PTPRT: variants seen among roughly 807,000 people sequenced by gnomAD.
The protein encoded by PTPRT is receptor-type tyrosine-protein phosphatase T.
PTPRT carries 56 observed loss-of-function variants against 176.8 expected under a neutral mutation model. The observed-to-expected ratio is 0.32, with a 90% confidence interval of 0.26 to 0.40. The LOEUF (loss-of-function observed/expected upper bound fraction) is 0.40, where lower values mean the gene tolerates loss of function less well. Ranked by LOEUF, PTPRT falls within the 10% of genes least tolerant of loss-of-function variation. The probability of loss-of-function intolerance (pLI) is 1.00; values close to 1 mark genes in which losing one functional copy is unlikely to be tolerated. For synonymous variants in PTPRT, 783 were observed against 739.0 expected, an observed-to-expected ratio of 1.06 and a Z score of -0.96; for missense variants, 1,540 against 1,908.2, an observed-to-expected ratio of 0.81 and a Z score of 3.60.
intron 1 of PTPRT, among the ~76,000 whole-genome samples, chr20:42,912,940 G>C (rs1444946542): frequency 6.6e-6 from 1 of 152,124 alleles, no homozygotes; most frequent in African/African-American, 2.4e-5. Context: ...TAATGCTAGT[G>C]CTAGAGACTA....
chr20:42,364,473 G>A (rs2058487641), intron 9 of PTPRT, among the ~76,000 whole-genome samples: 2 of 152,204 alleles, frequency 1.3e-5, no homozygotes, highest in Middle Eastern at 3.4e-3. Context: ...GTTTTGTAAA[G>A]CCTATTTTTT....
Position 42,597,918 on chromosome 20 carries a change from A to C in PTPRT, c.1153+79948T>G, listed in dbSNP as rs548788809. Reference sequence around the variant, plus strand: ...CTGCCAACAGCATATATAGACCAAAACTTAAAATGTTTACAATCTTTGCCA... The same window carrying C: ...CTGCCAACAGCATATATAGACCAAACCTTAAAATGTTTACAATCTTTGCCA... On this transcript the variant is annotated intron_variant, in intron 7 of 30. Coordinates refer to ENST00000373187, the MANE Select transcript of PTPRT (RefSeq NM_007050.6). Among the ~76,000 whole-genome samples the C allele has an allele frequency of 2.2e-4, 33 of 152,228 alleles. No homozygotes were observed. In the East Asian group the frequency reaches 5.2e-3, roughly 24 times the overall value.
At chr20:43,016,195 T>C (rs1208757058) in intron 1 of PTPRT, among the ~76,000 whole-genome samples, 1 of 152,188 alleles carries the variant, frequency 6.6e-6, no homozygotes, top group Admixed American at 6.5e-5. Context: ...CTGGGACAGC[T>C]GCACCCACAG....
intron 8 of PTPRT, among the ~76,000 whole-genome samples, chr20:42,463,233 G>A (rs548598778): frequency 2.0e-5 from 3 of 151,552 alleles, no homozygotes; most frequent in South Asian, 2.1e-4. Context: ...TCCTTTTTTT[G>A]TCTTATCTTC....
intron 11 of PTPRT, among the ~76,000 whole-genome samples, chr20:42,337,861 G>A: frequency 6.6e-6 from 1 of 152,180 alleles, no homozygotes; most frequent in East Asian, 1.9e-4. Flanking sequence ...CTTAATAAGG[G>A]TTCCTTATCT....
intron 6 of PTPRT, among the ~76,000 whole-genome samples, chr20:42,703,449 A>G (rs1030241017): frequency 3.3e-5 from 5 of 152,206 alleles, no homozygotes; most frequent in South Asian, 4.1e-4. Context: ...GAGCATTGTT[A>G]CCAGGAGTGG....
At chr20:43,152,562 G>T (rs549362417) in intron 1 of PTPRT, among the ~76,000 whole-genome samples, 1 of 152,218 alleles carries the variant, frequency 6.6e-6, no homozygotes, top group African/African-American at 2.4e-5. Flanking sequence ...GAGCAGCAAG[G>T]TCCTCAGCAC....
intron 5 of PTPRT, among the ~76,000 whole-genome samples, chr20:42,759,429 G>A (rs143575281): frequency 1.2e-3 from 178 of 152,318 alleles, no homozygotes; most frequent in African/African-American, 4.1e-3. Flanking sequence ...ACTTTGGGAG[G>A]CTGAGGCGGG....
In PTPRT at chr20:42,885,947, G is replaced by A. The variant is rs2079095121; in HGVS notation, c.89-15C>T. The A allele has an allele frequency of 6.3e-7, 1 of 1,595,666 alleles. No individual in the cohort carries two copies. The highest frequency in any genetic ancestry group is 8.6e-7 in the Non-Finnish European group (1 of 1,168,320). Reference sequence around the variant, plus strand: ...GGAACAGCCACCTGTAGACAAAAGAGATATGGGTAAATACATTCCCGTGTC... The same window carrying A: ...GGAACAGCCACCTGTAGACAAAAGAAATATGGGTAAATACATTCCCGTGTC... On this transcript the variant is annotated splice_polypyrimidine_tract_variant and intron_variant, in intron 1 of 30. Transcript: ENST00000373187.
At chr20:42,569,215 C>T (rs559691958) in intron 7 of PTPRT, among the ~76,000 whole-genome samples, 40 of 149,708 alleles carry the variant, frequency 2.7e-4, no homozygotes, top group African/African-American at 7.6e-4. Flanking sequence ...ATTCCAATTT[C>T]AAAGATGATA....
intron 1 of PTPRT, among the ~76,000 whole-genome samples, chr20:42,909,831 G>GA (rs2079522693): frequency 6.6e-6 from 1 of 152,180 alleles, no homozygotes; most frequent in South Asian, 2.1e-4. Context: ...ACCTTGGGGA[G>GA]AAAAAACATT....
chr20:43,062,701 G>A (rs1987522455), intron 1 of PTPRT, among the ~76,000 whole-genome samples: 2 of 152,144 alleles, frequency 1.3e-5, no homozygotes, highest in South Asian at 4.1e-4. Context: ...ATGAAATCTT[G>A]GATTAATTCA....
chr20:42,037,345 A>G, the PTPRT span, among the ~76,000 whole-genome samples: 2 of 152,178 alleles, frequency 1.3e-5, no homozygotes, highest in Non-Finnish European at 2.9e-5. Flanking sequence ...GCCCTTCCCC[A>G]CCTGGTCTGC....
At chr20:42,880,295 A>T (rs1018390974) in intron 2 of PTPRT, among the ~76,000 whole-genome samples, 1 of 152,192 alleles carries the variant, frequency 6.6e-6, no homozygotes, top group Non-Finnish European at 1.5e-5. Flanking sequence ...AGGGAGCTCC[A>T]ACAGTGCCTA....
chr20:42,082,456 C>T (rs1268509917), intron 29 of PTPRT, among the ~76,000 whole-genome samples: 1 of 152,196 alleles, frequency 6.6e-6, no homozygotes, highest in African/African-American at 2.4e-5. Context: ...TCCACTTAAA[C>T]ATCCAATAAA....
rs188645943 is a variant in PTPRT, at chr20:42,879,407, C to T, written c.214+6400G>A. Among the ~76,000 whole-genome samples, 18 of 152,278 alleles carry T rather than the reference C, an allele frequency of 1.2e-4. No homozygotes were observed. In the East Asian group the frequency reaches 2.9e-3, roughly 24 times the overall value. ...TCCACTGCCATCTGCATGTGGCCTC[C>T]TTCCCTATGTGTGTATGTATCTTTG... On this transcript the variant is annotated intron_variant, in intron 2 of 30. Transcript: ENST00000373187.
intron 16 of PTPRT, among the ~76,000 whole-genome samples, chr20:42,186,244 T>C (rs1974935891): frequency 1.3e-5 from 2 of 152,026 alleles, no homozygotes; most frequent in Admixed American, 1.3e-4. Flanking sequence ...TACTCAACTC[T>C]ACCATTGTAG....
intron 1 of PTPRT, among the ~76,000 whole-genome samples, chr20:43,019,628 A>AG: frequency 6.6e-6 from 1 of 151,762 alleles, no homozygotes; most frequent in Non-Finnish European, 1.5e-5. Flanking sequence ...AAAAAAAAAA[A>AG]AAAAAAAAGA....
intron 8 of PTPRT, among the ~76,000 whole-genome samples, chr20:42,461,641 C>T (rs374753991): frequency 1.3e-5 from 2 of 152,182 alleles, no homozygotes; most frequent in Admixed American, 6.5e-5. Context: ...ATTTAACAAC[C>T]AGCTGTGTCA....
Sources: allele counts gnomAD v4.1 joint callset (sites outside exome capture counted in the v4.1 genomes callset), GRCh38; gene constraint gnomAD v4.1.1; transcripts MANE v1.5; gene names NCBI Gene and HGNC (gene_info 2026-07-23, HGNC 2026-07-21).